KLF12: variants seen among roughly 807,000 people sequenced by gnomAD.
The protein encoded by KLF12 is KLF transcription factor 12, also known as Krueppel-like factor 12.
Under a neutral mutation model 37.8 loss-of-function variants are expected in KLF12, and 9 were observed. The observed-to-expected ratio is 0.24, with a 90% CI of 0.14 to 0.42. KLF12 has a LOEUF of 0.42. Among genes scored for constraint, KLF12 ranks in the 10% least tolerant of loss-of-function variants. The pLI is 1.00. For synonymous variants in KLF12, 208 were observed against 202.1 expected, an observed-to-expected ratio of 1.03 and a Z score of -0.25; for missense variants, 411 against 516.0, an observed-to-expected ratio of 0.80 and a Z score of 1.97.
At chr13:74,189,751 A>G in the KLF12 span, among the ~76,000 whole-genome samples, 1 of 152,118 alleles carries the variant, frequency 6.6e-6, no homozygotes, top group African/African-American at 2.4e-5. Context: ...TCATCCACAT[A>G]TGTTATACAC....
At chr13:74,241,232 G>T in the KLF12 span, among the ~76,000 whole-genome samples, 1 of 148,252 alleles carries the variant, frequency 6.7e-6, no homozygotes, top group Non-Finnish European at 1.5e-5. Flanking sequence ...CCCTGCTGGG[G>T]GGTGCCTCCC....
chr13:74,146,336 G>A, the KLF12 span, among the ~76,000 whole-genome samples: 1,308 of 152,102 alleles, frequency 8.6e-3, 28 homozygotes, highest in African/African-American at 0.03. Context: ...TTTCCATCAG[G>A]AGCAATACCT....
At chr13:74,275,771 CCTGT>C in the KLF12 span, among the ~76,000 whole-genome samples, 25 of 147,552 alleles carry the variant, frequency 1.7e-4, 1 homozygote, top group Non-Finnish European at 3.4e-4. Flanking sequence ...CGCCATTATG[CCTGT>C]CTTTTTCTTT....
At chr13:73,756,342 T>C (rs1879167537) in intron 6 of KLF12, among the ~76,000 whole-genome samples, 1 of 152,150 alleles carries the variant, frequency 6.6e-6, no homozygotes, top group Non-Finnish European at 1.5e-5. Flanking sequence ...AAAGGCTGCA[T>C]TTTTAAATAT....
At chr13:74,124,394 C>T (rs1877817508) in intron 1 of KLF12, among the ~76,000 whole-genome samples, 1 of 152,232 alleles carries the variant, frequency 6.6e-6, no homozygotes, top group Admixed American at 6.5e-5. Flanking sequence ...CCATTGTTCT[C>T]ACGTTTTACA....
intron 1 of KLF12, among the ~76,000 whole-genome samples, chr13:74,031,907 CCTCT>C (rs1051870394): frequency 3.9e-5 from 6 of 152,020 alleles, no homozygotes; most frequent in Non-Finnish European, 5.9e-5. Context: ...TCTTCATCTT[CCTCT>C]CTCTATTAAT....
upstream of KLF12, among the ~76,000 whole-genome samples, chr13:74,135,623 G>A (rs922821033): frequency 2.8e-4 from 43 of 151,696 alleles, no homozygotes; most frequent in African/African-American, 9.9e-4. Context: ...GCGGACGGAG[G>A]CGGGAGGCTG....
At chr13:73,906,158 G>GA (rs1888282587) in intron 3 of KLF12, among the ~76,000 whole-genome samples, 2 of 151,740 alleles carry the variant, frequency 1.3e-5, no homozygotes, top group Non-Finnish European at 2.9e-5. Context: ...GCTCTAAAAG[G>GA]AAAAAAATAC....
the KLF12 span, among the ~76,000 whole-genome samples, chr13:74,179,119 T>C: frequency 6.6e-6 from 1 of 152,226 alleles, no homozygotes; most frequent in African/African-American, 2.4e-5. Context: ...GCTGCGAGCC[T>C]GGACCATCAG....
At chr13:74,251,858 G>A in the KLF12 span, among the ~76,000 whole-genome samples, 479 of 152,258 alleles carry the variant, frequency 3.1e-3, 4 homozygotes, top group African/African-American at 0.011. Flanking sequence ...TGTCCTCCAG[G>A]CTGCATGACT....
chr13:73,967,364 T>C (rs967062214), intron 2 of KLF12, among the ~76,000 whole-genome samples: 61 of 152,140 alleles, frequency 4.0e-4, no homozygotes, highest in African/African-American at 1.4e-3. Flanking sequence ...AAATAACGCA[T>C]GGTGTATTCA....
chr13:74,305,657 T>A, the KLF12 span, among the ~76,000 whole-genome samples: 3 of 152,052 alleles, frequency 2.0e-5, no homozygotes, highest in African/African-American at 7.2e-5. Flanking sequence ...AAAAGAAATA[T>A]TTTTCGTCTC....
At chr13:74,155,510 C>G in the KLF12 span, among the ~76,000 whole-genome samples, 2 of 151,992 alleles carry the variant, frequency 1.3e-5, no homozygotes, top group African/African-American at 2.4e-5. Context: ...TACAAGCACC[C>G]GCCACCATGC....
At chr13:73,743,889 T>C (rs539582108) in intron 6 of KLF12, among the ~76,000 whole-genome samples, 1 of 152,308 alleles carries the variant, frequency 6.6e-6, no homozygotes, top group East Asian at 1.9e-4. Flanking sequence ...CATGGAGGGC[T>C]CTTATCATTT....
the KLF12 span, among the ~76,000 whole-genome samples, chr13:74,294,643 A>G: frequency 6.6e-6 from 1 of 152,186 alleles, no homozygotes; most frequent in African/African-American, 2.4e-5. Flanking sequence ...ATGAGATTAC[A>G]GGCGTGAACC....
intron 6 of KLF12, among the ~76,000 whole-genome samples, chr13:73,741,394 T>C (rs1380074573): frequency 6.6e-6 from 1 of 152,244 alleles, no homozygotes; most frequent in Non-Finnish European, 1.5e-5. Flanking sequence ...TGGTAAGGTA[T>C]TGCTGTGGTT....
the KLF12 span, among the ~76,000 whole-genome samples, chr13:74,234,784 C>A: frequency 6.6e-6 from 1 of 151,438 alleles, no homozygotes; most frequent in East Asian, 1.9e-4. Flanking sequence ...TTCCAAATCT[C>A]TTTTGCCTGC....
chr13:74,048,577 T>G (rs1893608437), intron 1 of KLF12, among the ~76,000 whole-genome samples: 2 of 152,196 alleles, frequency 1.3e-5, no homozygotes, highest in African/African-American at 4.8e-5. Context: ...CTTTATCATG[T>G]GGCCCAAAGT....
At chr13:73,738,126 C>T (rs4885112) in intron 6 of KLF12, among the ~76,000 whole-genome samples, 1,258 of 55,980 alleles carry the variant, frequency 0.022, 35 homozygotes, top group African/African-American at 0.078. Flanking sequence ...TATATATATA[C>T]ACACACACAC....
Sources: gnomAD v4.1 joint callset for allele counts (sites outside exome capture counted in the v4.1 genomes callset) on GRCh38, gnomAD v4.1.1 for gene constraint, MANE v1.5 for transcripts, NCBI Gene and HGNC (gene_info 2026-07-23, HGNC 2026-07-21) for gene names.